Variants in RBFOX1 observed in about 807,000 individuals in gnomAD.
RBFOX1 encodes RNA binding protein fox-1 homolog 1.
A neutral mutation model predicts 57.7 loss-of-function variants in RBFOX1; 8 were observed. The ratio of observed to expected loss-of-function variants is 0.14; its 90% confidence interval spans 0.08 to 0.25. The LOEUF (loss-of-function observed/expected upper bound fraction) is 0.25, where lower values mean the gene tolerates loss of function less well. Ranked by LOEUF, RBFOX1 falls within the 10% of genes least tolerant of loss-of-function variation. The pLI is 1.00. For missense variants in RBFOX1, 611 were observed against 548.5 expected (o/e 1.11, Z -1.14); for synonymous variants, 326 against 222.4 (o/e 1.47, Z -4.15).
intron 2 of RBFOX1, among the ~76,000 whole-genome samples, chr16:6,564,269 A>G (rs370246041): frequency 1.3e-5 from 2 of 152,162 alleles, no homozygotes; most frequent in East Asian, 1.9e-4. Flanking sequence ...AACATGCTCT[A>G]TGGTTTTTAA....
intron 3 of RBFOX1, among the ~76,000 whole-genome samples, chr16:5,610,108 G>T (rs986990746): frequency 6.6e-6 from 1 of 152,058 alleles, no homozygotes; most frequent in Non-Finnish European, 1.5e-5. Flanking sequence ...TGTACCTCCT[G>T]CCACTGGGAG....
intron 4 of RBFOX1, among the ~76,000 whole-genome samples, chr16:7,502,330 C>T (rs150063563): frequency 1.3e-5 from 2 of 152,288 alleles, no homozygotes; most frequent in African/African-American, 4.8e-5. Flanking sequence ...CCTTAAGGAG[C>T]TTACAACATT....
At chr16:6,683,069 A>T (rs1321852433) in intron 3 of RBFOX1, among the ~76,000 whole-genome samples, 1 of 152,066 alleles carries the variant, frequency 6.6e-6, no homozygotes, top group Non-Finnish European at 1.5e-5. Flanking sequence ...GTGTGATACA[A>T]CATGTAGAAT....
At chr16:7,330,888 C>T (rs1003165633) in intron 4 of RBFOX1, among the ~76,000 whole-genome samples, 5 of 152,104 alleles carry the variant, frequency 3.3e-5, no homozygotes, top group Admixed American at 6.5e-5. Flanking sequence ...ATGCTTCTGT[C>T]CTCCCCGGTA....
intron 3 of RBFOX1, among the ~76,000 whole-genome samples, chr16:7,041,295 G>T (rs375854590): frequency 6.6e-6 from 1 of 151,978 alleles, no homozygotes; most frequent in African/African-American, 2.4e-5. Flanking sequence ...GTCAGTGGCT[G>T]CTTTTCCACC....
At chr16:6,852,524 C>T (rs944676788) in intron 3 of RBFOX1, among the ~76,000 whole-genome samples, 2 of 152,202 alleles carry the variant, frequency 1.3e-5, no homozygotes, top group Admixed American at 6.5e-5. Flanking sequence ...TTCCTTGTGT[C>T]TCAGAAATTA....
At chr16:6,699,795 G>T (rs1218911313) in intron 3 of RBFOX1, among the ~76,000 whole-genome samples, 2 of 152,140 alleles carry the variant, frequency 1.3e-5, no homozygotes, top group African/African-American at 4.8e-5. Context: ...ACACATGCAG[G>T]CACGGTGAAG....
At chr16:5,608,518 C>T (rs2047667214) in intron 3 of RBFOX1, among the ~76,000 whole-genome samples, 1 of 152,182 alleles carries the variant, frequency 6.6e-6, no homozygotes, top group African/African-American at 2.4e-5. Flanking sequence ...CTTCTCTGTG[C>T]CTGTAACTTT....
intron 2 of RBFOX1, among the ~76,000 whole-genome samples, chr16:6,579,892 C>T (rs1173568919): frequency 6.6e-6 from 1 of 152,032 alleles, no homozygotes; most frequent in Admixed American, 6.6e-5. Flanking sequence ...AGCCTTCAGT[C>T]CTTTTTAAAG....
chr16:6,799,722 C>T (rs1309616745), intron 3 of RBFOX1, among the ~76,000 whole-genome samples: 2 of 152,114 alleles, frequency 1.3e-5, no homozygotes, highest in East Asian at 3.9e-4. Flanking sequence ...TTCTCCTGTG[C>T]TGGATACTTC....
At chr16:7,446,797 T>C (rs891110401) in intron 4 of RBFOX1, among the ~76,000 whole-genome samples, 1 of 79,434 alleles carries the variant, frequency 1.3e-5, no homozygotes, top group African/African-American at 5.1e-5. Context: ...TAGGTCTAGG[T>C]ATTTTTTTTT....
At chr16:7,327,781 T>G (rs2096630344) in intron 4 of RBFOX1, among the ~76,000 whole-genome samples, 1 of 151,202 alleles carries the variant, frequency 6.6e-6, no homozygotes, top group African/African-American at 2.5e-5. Context: ...AATCTAGATT[T>G]TATATGAGAT....
chr16:7,429,853 A>G (rs1441989080), intron 4 of RBFOX1, among the ~76,000 whole-genome samples: 1 of 152,210 alleles, frequency 6.6e-6, no homozygotes, highest in Non-Finnish European at 1.5e-5. Context: ...AATTATTGAG[A>G]TATACTATGT....
At chr16:5,762,689 C>T (rs1389207944) in intron 3 of RBFOX1, among the ~76,000 whole-genome samples, 1 of 151,950 alleles carries the variant, frequency 6.6e-6, no homozygotes, top group Non-Finnish European at 1.5e-5. Context: ...ATTCCAATAA[C>T]GGGGAAAAAA....
At chr16:7,634,382 A>C (rs1046295894) in intron 11 of RBFOX1, among the ~76,000 whole-genome samples, 6 of 123,916 alleles carry the variant, frequency 4.8e-5, no homozygotes, top group African/African-American at 2.0e-4. Context: ...CTGGCCTTTG[A>C]TGTTTGTTTT....
intron 2 of RBFOX1, among the ~76,000 whole-genome samples, chr16:6,472,981 A>G (rs1280247706): frequency 6.6e-6 from 1 of 152,144 alleles, no homozygotes; most frequent in Non-Finnish European, 1.5e-5. Context: ...TAGCATGATC[A>G]TATAGGGATA....
intron 3 of RBFOX1, among the ~76,000 whole-genome samples, chr16:5,625,737 T>C (rs2048331423): frequency 6.6e-6 from 1 of 151,778 alleles, no homozygotes; most frequent in Non-Finnish European, 1.5e-5. Flanking sequence ...TTTGTATTTT[T>C]GGTAGAGACA....
intron 2 of RBFOX1, among the ~76,000 whole-genome samples, chr16:6,647,635 C>G (rs1037151584): frequency 6.6e-6 from 1 of 152,154 alleles, no homozygotes; most frequent in African/African-American, 2.4e-5. Flanking sequence ...AGGGTTAGAG[C>G]TATGACATAT....
intron 1 of RBFOX1, among the ~76,000 whole-genome samples, chr16:5,271,717 C>G (rs888702816): frequency 2.6e-5 from 4 of 152,206 alleles, no homozygotes; most frequent in Non-Finnish European, 5.9e-5. Context: ...CTATTGGAAA[C>G]TTTGTACCCT....
Sources: allele counts gnomAD v4.1 joint callset (sites outside exome capture counted in the v4.1 genomes callset), GRCh38; gene constraint gnomAD v4.1.1; transcripts MANE v1.5; gene names NCBI Gene and HGNC (gene_info 2026-07-23, HGNC 2026-07-21).